DCPS: variants seen among roughly 807,000 people sequenced by gnomAD.
DCPS encodes the protein m7GpppX diphosphatase.
Under a neutral mutation model 34.7 loss-of-function variants are expected in DCPS, and 27 were observed. The ratio of observed to expected loss-of-function variants is 0.78; its 90% CI spans 0.57 to 1.07. The LOEUF (loss-of-function observed/expected upper bound fraction) is 1.07, where lower values mean the gene tolerates loss of function less well. DCPS is among the 50% of genes least tolerant of loss of function. DCPS has a pLI of 0.00. For synonymous variants in DCPS, 185 were observed against 185.7 expected (o/e 1.00, Z 0.03); for missense variants, 464 against 436.9 (o/e 1.06, Z -0.55).
rs954244377 is a variant in DCPS at position 126,328,519 on chromosome 11, G to T, written c.377-2886G>T. On this transcript the variant is annotated intron_variant, in intron 2 of 5. Transcript: ENST00000263579. This position sits in a 1 kb window ranked among gnomAD's most constrained non-coding sequence, Gnocchi z 6.6. ...TTGCTGCTGAGGGGAGGCGGGAGGG[G>T]CTGGCTGGGTGAGACGCCAGTTTCC... Among the ~76,000 whole-genome samples, 2 of 152,166 alleles carry T rather than the reference G, an allele frequency of 1.3e-5. No individual in the cohort carries two copies. Among genetic ancestry groups the T allele is most frequent in the Admixed American group, 6.5e-5 (1 of 15,292 alleles).
In DCPS at chr11:126,320,456, GC is replaced by G. The variant is rs1951696346; in HGVS notation, c.377-10947del. 2.6e-5 allele frequency among the ~76,000 whole-genome samples: 4 copies of G among 152,094 alleles called. No homozygotes were observed. The highest frequency in any genetic ancestry group is 9.7e-5 in the African/African-American group (4 of 41,402). ...TGAATGCCCACCTACTTCCTTTATA[GC>G]CTGCTCTGACAATGATATTAAAGGA... On this transcript the variant is annotated intron_variant, in intron 2 of 5. Transcript: ENST00000263579. This position sits in a 1 kb window ranked among gnomAD's most constrained non-coding sequence, Gnocchi z 4.7.
intron 2 of DCPS, among the ~76,000 whole-genome samples, chr11:126,317,830 G>A (rs1565373102): frequency 6.6e-6 from 1 of 152,198 alleles, no homozygotes; most frequent in Non-Finnish European, 1.5e-5. Context: ...TCACTTCATA[G>A]CTCCCTGACA....
rs1463798358 is a variant in DCPS at position 126,343,432 on chromosome 11, C to T, written c.747+15C>T. ...ACCAGGGGCAGGTGAGTGGCTTCAC[C>T]AAACCACGTGGAAGCTCAGAGAAAT... On this transcript the variant is annotated intron_variant, in intron 5 of 5. Coordinates refer to ENST00000263579, the MANE Select transcript of DCPS (RefSeq NM_014026.6). The T allele has an allele frequency of 6.3e-7, 1 of 1,594,718 alleles. No individual in the cohort carries two copies. Among genetic ancestry groups the T allele is most frequent in the African/African-American group, 1.3e-5 (1 of 74,574 alleles).
rs187976705 is a variant in DCPS, at chr11:126,325,261, A to G, written c.377-6144A>G. Reference sequence around the variant, plus strand: ...CACCAAAAATTATGCTGAAGAGAAGAAAATAATCACAGTAACTATGGCAGT... The same window carrying G: ...CACCAAAAATTATGCTGAAGAGAAGGAAATAATCACAGTAACTATGGCAGT... On this transcript the variant is annotated intron_variant, in intron 2 of 5. Coordinates refer to ENST00000263579, the MANE Select transcript of DCPS (RefSeq NM_014026.6). This position sits in a 1 kb window ranked among gnomAD's most constrained non-coding sequence, Gnocchi z 4.3. 1.3e-5 allele frequency among the ~76,000 whole-genome samples: 2 copies of G among 152,318 alleles called. No individual in the cohort carries two copies. The highest frequency in any genetic ancestry group is 2.9e-5 in the Non-Finnish European group (2 of 68,020).
rs1951711338 is a variant in DCPS at position 126,322,127 on chromosome 11, A to G, written c.377-9278A>G. On this transcript the variant is annotated intron_variant, in intron 2 of 5. Coordinates refer to ENST00000263579, the MANE Select transcript of DCPS (RefSeq NM_014026.6). The surrounding 1 kb of genome is among the most constrained non-coding windows in gnomAD (Gnocchi z 4.2). ...AAGGGCTCAGCAATTACCTAGCACA[A>G]TGGATGAAGATAAAACCACTTTGAG... Among the ~76,000 whole-genome samples the G allele has an allele frequency of 1.3e-5, 2 of 152,222 alleles. No homozygotes were observed. The highest frequency in any genetic ancestry group is 6.5e-5 in the Admixed American group (1 of 15,282).
Position 126,334,344 on chromosome 11 carries a change from ATTAT to A in DCPS, c.522+2805_522+2808del, listed in dbSNP as rs200351573. ...TCACACCTCATTTATTTATTTATTTATTATTTATTTATTTTTGAGATGGAGTTTC... is the reference window on the plus strand; with the variant it reads ...TCACACCTCATTTATTTATTTATTTATTATTTATTTTTGAGATGGAGTTTC... On this transcript the variant is annotated intron_variant, in intron 3 of 5. Transcript: ENST00000263579. The surrounding 1 kb of genome is among the most constrained non-coding windows in gnomAD (Gnocchi z 5.5). Among the ~76,000 whole-genome samples, 2,186 of 151,998 alleles carry A rather than the reference ATTAT, an allele frequency of 0.014. 23 individuals carry two copies. The highest frequency in any genetic ancestry group is 0.022 in the Non-Finnish European group (1,505 of 67,968).
At position 126,337,318 on chromosome 11, in the gene DCPS, G is replaced by C. The variant is rs1337155937; in HGVS notation, c.523-968G>C. On this transcript the variant is annotated intron_variant, in intron 3 of 5. Coordinates refer to ENST00000263579, the MANE Select transcript of DCPS (RefSeq NM_014026.6). The surrounding 1 kb of genome is among the most constrained non-coding windows in gnomAD (Gnocchi z 5.3). The stretch of plus-strand genomic sequence containing the variant: ...GTCTCTCCCCCAGATGTAGGGCAGA[G>C]TTCACTGTCCTGCATGAGTTCATGT... 6.6e-6 allele frequency: 1 copy of C among 152,410 alleles called. No homozygotes were observed. The highest frequency in any genetic ancestry group is 1.5e-5 in the Non-Finnish European group (1 of 68,210). The allele number at this position is 152,410 out of a possible 1,614,324, so 9.4% of individuals were successfully genotyped here.
In DCPS at chr11:126,332,219, G is replaced by A. The variant is rs1399036042; in HGVS notation, c.522+669G>A. 6.6e-6 allele frequency among the ~76,000 whole-genome samples: 1 copy of A among 152,182 alleles called. No homozygotes were observed. The highest frequency in any genetic ancestry group is 1.5e-5 in the Non-Finnish European group (1 of 68,028). On this transcript the variant is annotated intron_variant, in intron 3 of 5. Transcript: ENST00000263579. This position sits in a 1 kb window ranked among gnomAD's most constrained non-coding sequence, Gnocchi z 5.4. ...AAGGCAGGACCCCATTGGCCCCGGG[G>A]ATTTGGTGCAGGGACTCCATTCACA... is the stretch of plus-strand genomic sequence containing the variant.
chr11:126,310,396 A>G (rs373699461), intron 2 of DCPS, among the ~76,000 whole-genome samples: 65 of 152,344 alleles, frequency 4.3e-4, no homozygotes, highest in African/African-American at 1.3e-3. Flanking sequence ...TGCTGTTATT[A>G]GTCTCATGTG....
rs1477476044 is a variant in DCPS at position 126,312,933 on chromosome 11, C to G, written c.376+6189C>G. Among the ~76,000 whole-genome samples the G allele has an allele frequency of 6.6e-6, 1 of 152,116 alleles. No individual in the cohort carries two copies. Among genetic ancestry groups the G allele is most frequent in the East Asian group, 1.9e-4 (1 of 5,186 alleles). Reference sequence around the variant, plus strand: ...TGTGGCACATGTGAGGAGCTAATGGCCCGAAGGCTGGCACCTGAGAGCTTC... The same window carrying G: ...TGTGGCACATGTGAGGAGCTAATGGGCCGAAGGCTGGCACCTGAGAGCTTC... On this transcript the variant is annotated intron_variant, in intron 2 of 5. Transcript: ENST00000263579. The surrounding 1 kb of genome is among the most constrained non-coding windows in gnomAD (Gnocchi z 5.1).
At chr11:126,318,991 G>A (rs1951683671) in intron 2 of DCPS, among the ~76,000 whole-genome samples, 1 of 152,078 alleles carries the variant, frequency 6.6e-6, no homozygotes. Flanking sequence ...TCTGAGAGCA[G>A]TTGGGCTTTT....
In DCPS at chr11:126,345,319, C is replaced by T; in HGVS notation, c.748-28C>T. ...CCGGGCCTCAGGCAGCACGGTGACT[C>T]CTGACCTGCCTGCCCCTGTCTCATC... On this transcript the variant is annotated intron_variant, in intron 5 of 5. Coordinates refer to ENST00000263579, the MANE Select transcript of DCPS (RefSeq NM_014026.6). This position sits in a 1 kb window ranked among gnomAD's most constrained non-coding sequence, Gnocchi z 7.4. 2 of 1,612,238 alleles carry T rather than the reference C, an allele frequency of 1.2e-6. No homozygotes were observed. Among genetic ancestry groups the T allele is most frequent in the Non-Finnish European group, 1.7e-6 (2 of 1,179,474 alleles).
chr11:126,343,775 A>G (rs1464209181), intron 5 of DCPS, among the ~76,000 whole-genome samples: 1 of 152,142 alleles, frequency 6.6e-6, no homozygotes, highest in African/African-American at 2.4e-5. Context: ...TCTTGGGAGT[A>G]TGGGCACATG....
At chr11:126,314,944 T>C (rs1481359616) in intron 2 of DCPS, among the ~76,000 whole-genome samples, 4 of 152,040 alleles carry the variant, frequency 2.6e-5, no homozygotes, top group Non-Finnish European at 4.4e-5. Flanking sequence ...CTTATTCACG[T>C]AAGTTCCTAC....
rs1951963493 is a variant in DCPS at position 126,348,946 on chromosome 11, G to C, written c.*3333G>C. 6.6e-6 allele frequency among the ~76,000 whole-genome samples: 1 copy of C among 152,196 alleles called. No individual in the cohort carries two copies. The highest frequency in any genetic ancestry group is 1.5e-5 in the Non-Finnish European group (1 of 68,042). On this transcript the variant is annotated 3_prime_UTR_variant, in exon 6 of 6. Coordinates refer to ENST00000263579, the MANE Select transcript of DCPS (RefSeq NM_014026.6). The surrounding 1 kb of genome is among the most constrained non-coding windows in gnomAD (Gnocchi z 5.3). ...ATTATGGAGTGAACGTCAGCTCCAGGAAGCAGAGACTTCTGGCCCTTTGTT... is the reference window on the plus strand; with the variant it reads ...ATTATGGAGTGAACGTCAGCTCCAGCAAGCAGAGACTTCTGGCCCTTTGTT...
In DCPS at chr11:126,313,552, A is replaced by G. The variant is rs1298889309; in HGVS notation, c.376+6808A>G. 6.6e-6 allele frequency among the ~76,000 whole-genome samples: 1 copy of G among 152,202 alleles called. No individual in the cohort carries two copies. The highest frequency in any genetic ancestry group is 2.4e-5 in the African/African-American group (1 of 41,456). ...CAATGAAGGATAAATCTCACCATGTAGGGCAAGAAAAGCATGACACAGAAT... is the reference window on the plus strand; with the variant it reads ...CAATGAAGGATAAATCTCACCATGTGGGGCAAGAAAAGCATGACACAGAAT... On this transcript the variant is annotated intron_variant, in intron 2 of 5. Transcript: ENST00000263579. The surrounding 1 kb of genome is among the most constrained non-coding windows in gnomAD (Gnocchi z 4.9).
At chr11:126,317,492 A>C (rs1951671735) in intron 2 of DCPS, among the ~76,000 whole-genome samples, 1 of 151,444 alleles carries the variant, frequency 6.6e-6, no homozygotes, top group African/African-American at 2.4e-5. Flanking sequence ...CCCTCAAATT[A>C]TTTTATTTCC....
rs1951922218 is a variant in DCPS, at chr11:126,345,874, G to T, written c.*261G>T. On this transcript the variant is annotated 3_prime_UTR_variant, in exon 6 of 6. Transcript: ENST00000263579. The surrounding 1 kb of genome is among the most constrained non-coding windows in gnomAD (Gnocchi z 7.4). ...GGTGGTGGTTTCAACTGACAGGTGGGAGCTGCCCTGGAAGGGTGCCGAGGG... is the reference window on the plus strand; with the variant it reads ...GGTGGTGGTTTCAACTGACAGGTGGTAGCTGCCCTGGAAGGGTGCCGAGGG... The T allele has an allele frequency of 5.5e-6, 3 of 546,536 alleles. No homozygotes were observed. The South Asian group carries it at 6.2e-5, about 11-fold the overall frequency. 33.9% of individuals were successfully genotyped at this position (546,536 alleles called of 1,614,324 possible).
In DCPS at chr11:126,327,666, G is replaced by A. The variant is rs1331720311; in HGVS notation, c.377-3739G>A. On this transcript the variant is annotated intron_variant, in intron 2 of 5. Transcript: ENST00000263579. The surrounding 1 kb of genome is among the most constrained non-coding windows in gnomAD (Gnocchi z 4.1). Reference sequence around the variant, plus strand: ...CGTTCATTGTTTTTTGGCTGCCATCGTAAACCTTAGCATTAGGAAATATAT... The same window carrying A: ...CGTTCATTGTTTTTTGGCTGCCATCATAAACCTTAGCATTAGGAAATATAT... Among the ~76,000 whole-genome samples, 3 of 152,120 alleles carry A rather than the reference G, an allele frequency of 2.0e-5. No individual in the cohort carries two copies. The highest frequency in any genetic ancestry group is 7.2e-5 in the African/African-American group (3 of 41,404).
Sources: gnomAD v4.1 joint callset for allele counts (sites outside exome capture counted in the v4.1 genomes callset) on GRCh38, gnomAD v4.1.1 for gene constraint, Gnocchi (gnomAD v3.1) non-coding constraint, MANE v1.5 for transcripts, NCBI Gene and HGNC (gene_info 2026-07-23, HGNC 2026-07-21) for gene names.